The following DTNA variants were observed in gnomAD, a reference collection of about 807,000 sequenced individuals.
The protein encoded by DTNA is dystrobrevin alpha.
DTNA carries 43 observed loss-of-function variants against 100.7 expected under a neutral mutation model. The ratio of observed to expected loss-of-function variants is 0.43; its 90% CI spans 0.33 to 0.55. The LOEUF is 0.55. Among genes scored for constraint, DTNA ranks in the 20% least tolerant of loss-of-function variants. The pLI, the probability that DTNA is intolerant of heterozygous loss-of-function variation, is 0.04. For missense variants in DTNA, 798 were observed against 953.9 expected (o/e 0.84, Z 2.15); for synonymous variants, 349 against 347.9 (o/e 1.00, Z -0.04).
intron 17 of DTNA, chr18:34,866,359 C>G: frequency 1.4e-6 from 2 of 1,410,908 alleles, no homozygotes; most frequent in Middle Eastern, 2.6e-4. Context: ...ACTATGACAT[C>G]TTTTAGAAAA....
intron 1 of DTNA, among the ~76,000 whole-genome samples, chr18:34,676,761 G>C (rs2077450935): frequency 6.6e-6 from 1 of 152,108 alleles, no homozygotes; most frequent in Admixed American, 6.5e-5. Flanking sequence ...CTTGAGCCTG[G>C]GGAGCTTGAG....
chr18:34,692,204 G>A (rs551437293), intron 1 of DTNA, among the ~76,000 whole-genome samples: 15 of 152,288 alleles, frequency 9.8e-5, no homozygotes, highest in African/African-American at 3.6e-4. Context: ...CTTCAGTGTA[G>A]TTAAGATCCT....
chr18:34,803,413 A>AG (rs1393955232), intron 4 of DTNA, among the ~76,000 whole-genome samples: 1 of 152,064 alleles, frequency 6.6e-6, no homozygotes, highest in Admixed American at 6.6e-5. Context: ...CTTCATTAAA[A>AG]GCTGAGGTCT....
intron 1 of DTNA, among the ~76,000 whole-genome samples, chr18:34,667,362 T>A (rs1357825513): frequency 6.6e-6 from 1 of 152,228 alleles, no homozygotes; most frequent in Non-Finnish European, 1.5e-5. Flanking sequence ...AATCATGTCA[T>A]CCGCAAACAG....
chr18:34,517,893 G>C (rs568197917), intron 1 of DTNA, among the ~76,000 whole-genome samples: 1 of 152,002 alleles, frequency 6.6e-6, no homozygotes, highest in African/African-American at 2.4e-5. Flanking sequence ...AATATTATAA[G>C]TAAATATGCT....
At chr18:34,588,714 A>G (rs1347393908) in intron 1 of DTNA, among the ~76,000 whole-genome samples, 1 of 128,646 alleles carries the variant, frequency 7.8e-6, no homozygotes, top group Non-Finnish European at 1.7e-5. Flanking sequence ...TGTGTAGATT[A>G]TGAAGGTAAA....
intron 10 of DTNA, 124 bp from the exon 11 acceptor site, chr18:34,829,276 T>G: frequency 6.6e-7 from 1 of 1,521,100 alleles, no homozygotes; most frequent in Non-Finnish European, 8.8e-7. Flanking sequence ...GAGATTGGCC[T>G]ACGGTTTCTG....
chr18:34,886,626 T>G lies in DTNA; in HGVS notation c.*32-1140T>G, dbSNP rs372468393. Among the ~76,000 whole-genome samples the G allele has an allele frequency of 5.3e-5, 8 of 152,180 alleles. No homozygotes were observed. The East Asian group carries it at 7.7e-4, about 15-fold the overall frequency. On this transcript the variant is annotated intron_variant, in intron 22 of 22. Transcript: ENST00000444659. ...AATTTGGTACCTAAAAGCCAAAAATTTCAGTACTCTAGAAGTTCCTAGGCC... is the reference window on the plus strand; with the variant it reads ...AATTTGGTACCTAAAAGCCAAAAATGTCAGTACTCTAGAAGTTCCTAGGCC...
chr18:34,754,627 C>T (rs770372599), intron 1 of DTNA, among the ~76,000 whole-genome samples: 1 of 152,038 alleles, frequency 6.6e-6, no homozygotes, highest in East Asian at 1.9e-4. Context: ...TGTTTCCATT[C>T]GTTTATTTTT....
intron 1 of DTNA, among the ~76,000 whole-genome samples, chr18:34,498,466 A>G (rs1215016636): frequency 1.4e-5 from 2 of 148,066 alleles, no homozygotes; most frequent in East Asian, 3.9e-4. Flanking sequence ...TAATAATAAT[A>G]ATAATAATAA....
chr18:34,582,040 T>C (rs186548471), intron 1 of DTNA, among the ~76,000 whole-genome samples: 1 of 152,276 alleles, frequency 6.6e-6, no homozygotes, highest in East Asian at 1.9e-4. Context: ...AAATATGTTT[T>C]CCTACCTTAA....
chr18:34,798,408 C>CTGCTCCACT (rs2095073868), intron 4 of DTNA, among the ~76,000 whole-genome samples: 1 of 152,016 alleles, frequency 6.6e-6, no homozygotes, highest in Non-Finnish European at 1.5e-5. Context: ...ATTTTTACTT[C>CTGCTCCACT]TGCTCCACAG....
At chr18:34,866,274 A>C (rs1365271799) in intron 17 of DTNA, 3 of 1,561,020 alleles carry the variant, frequency 1.9e-6, no homozygotes, top group Non-Finnish European at 2.6e-6. Flanking sequence ...CTTCTTTTTC[A>C]ATGTAGTGCT....
upstream of DTNA, among the ~76,000 whole-genome samples, chr18:34,707,509 G>C (rs1404556244): frequency 1.3e-5 from 2 of 152,000 alleles, no homozygotes; most frequent in Non-Finnish European, 2.9e-5. Flanking sequence ...TCTGACAAAG[G>C]ATGCACCTTC....
intron 1 of DTNA, among the ~76,000 whole-genome samples, chr18:34,524,843 A>G (rs16965364): frequency 0.037 from 5,644 of 152,180 alleles, 329 homozygotes; most frequent in African/African-American, 0.13. Context: ...TTTGTGTCCA[A>G]CCGATAGAGG....
intron 9 of DTNA, among the ~76,000 whole-genome samples, chr18:34,825,497 C>T (rs936823316): frequency 6.6e-6 from 1 of 152,158 alleles, no homozygotes; most frequent in East Asian, 1.9e-4. Context: ...GGAGCTGTTT[C>T]TTTTACATAA....
intron 1 of DTNA, among the ~76,000 whole-genome samples, chr18:34,681,942 T>C (rs1319280588): frequency 6.6e-6 from 1 of 152,060 alleles, no homozygotes; most frequent in Non-Finnish European, 1.5e-5. Flanking sequence ...GCCCTAACAA[T>C]CCTCTGTGCT....
chr18:34,618,516 C>G (rs1347322161), intron 1 of DTNA, among the ~76,000 whole-genome samples: 4 of 152,104 alleles, frequency 2.6e-5, no homozygotes, highest in Admixed American at 2.6e-4. Flanking sequence ...TTCTGTGACT[C>G]ACTTTACAAT....
chr18:34,840,377 T>C (rs1230358733), intron 13 of DTNA, among the ~76,000 whole-genome samples: 1 of 152,132 alleles, frequency 6.6e-6, no homozygotes, highest in East Asian at 1.9e-4. Context: ...GAACTAAGCA[T>C]TGAATTTTTT....
Sources: gnomAD v4.1 joint callset for allele counts (sites outside exome capture counted in the v4.1 genomes callset) on GRCh38, gnomAD v4.1.1 for gene constraint, MANE v1.5 for transcripts, NCBI Gene and HGNC (gene_info 2026-07-23, HGNC 2026-07-21) for gene names.